GRM1: variants seen among roughly 807,000 people sequenced by gnomAD.
The protein encoded by GRM1 is metabotropic glutamate receptor 1.
Under a neutral mutation model 90.9 loss-of-function variants are expected in GRM1, and 33 were observed. The ratio of observed to expected loss-of-function variants is 0.36; its 90% confidence interval spans 0.28 to 0.49. The LOEUF (loss-of-function observed/expected upper bound fraction) is 0.49, where lower values mean the gene tolerates loss of function less well. Ranked by LOEUF, GRM1 falls within the 20% of genes least tolerant of loss-of-function variation. The pLI is 0.99. For missense variants in GRM1, 1,190 were observed against 1,534.3 expected (o/e 0.78, Z 3.75); for synonymous variants, 700 against 613.2 (o/e 1.14, Z -2.09).
At chr6:146,084,825 T>C in intron 1 of GRM1, among the ~76,000 whole-genome samples, 1 of 152,194 alleles carries the variant, frequency 6.6e-6, no homozygotes, top group Non-Finnish European at 1.5e-5. Flanking sequence ...CTGTCTAATA[T>C]TGACAGTGCA....
At chr6:146,036,182 A>G (rs1790884667) in intron 1 of GRM1, among the ~76,000 whole-genome samples, 1 of 152,000 alleles carries the variant, frequency 6.6e-6, no homozygotes, top group Admixed American at 6.6e-5. Context: ...GGGTTCACAA[A>G]GAGACTTATC....
At chr6:146,056,341 G>A (rs1044007175) in intron 1 of GRM1, among the ~76,000 whole-genome samples, 5 of 152,042 alleles carry the variant, frequency 3.3e-5, no homozygotes, top group African/African-American at 4.8e-5. Flanking sequence ...AGGTAGACCT[G>A]CTGTTGCCAG....
rs184404669 is a variant in GRM1 at position 146,410,811 on chromosome 6, G to A, written c.2660+11112G>A. Among the ~76,000 whole-genome samples the A allele has an allele frequency of 2.5e-4, 38 of 152,228 alleles. No individual in the cohort carries two copies. In the East Asian group the frequency reaches 7.1e-3, roughly 29 times the overall value. On this transcript the variant is annotated intron_variant, in intron 7 of 7. Transcript: ENST00000282753. ...AGGAAAATGAAGAAAAAAATAAAAG[G>A]TTTCAGTAGGGTTGGTATTCCTTAT...
rs541139246 is a variant in GRM1, at chr6:146,382,606, C to T, written c.1603-4284C>T. ...TATGCATTTAAGCATAGAGACTACC[C>T]TTCCTTTTTTCACAGACATATGTAA... On this transcript the variant is annotated intron_variant, in intron 5 of 7. Transcript: ENST00000282753. 1.1e-4 allele frequency among the ~76,000 whole-genome samples: 16 copies of T among 152,156 alleles called. No homozygotes were observed. In the East Asian group the frequency reaches 2.9e-3, roughly 28 times the overall value.
chr6:146,357,465 T>G (rs1785630327), intron 4 of GRM1, 61 bp from the exon 5 acceptor site: 1 of 1,380,314 alleles, frequency 7.2e-7, no homozygotes, highest in Admixed American at 1.7e-5. Context: ...ACTTACCAAC[T>G]TTCTTTGTTT....
At chr6:146,374,174 A>G (rs1051303557) in intron 5 of GRM1, among the ~76,000 whole-genome samples, 1 of 151,970 alleles carries the variant, frequency 6.6e-6, no homozygotes, top group African/African-American at 2.4e-5. Context: ...CGCATTGATT[A>G]ATTTGCATAT....
chr6:146,394,878 A>T (rs1196704899), intron 6 of GRM1, among the ~76,000 whole-genome samples: 1 of 152,082 alleles, frequency 6.6e-6, no homozygotes, highest in Non-Finnish European at 1.5e-5. Context: ...TTCTTTTGCA[A>T]TTTTATCAAT....
chr6:146,113,393 G>A (rs1231511531), intron 1 of GRM1, among the ~76,000 whole-genome samples: 5 of 152,108 alleles, frequency 3.3e-5, no homozygotes, highest in Non-Finnish European at 7.3e-5. Context: ...ATTTAACTTC[G>A]GAGCCCTTGA....
rs371665748 is a variant in GRM1 at position 146,215,760 on chromosome 6, T to C, written c.950+56163T>C. Among the ~76,000 whole-genome samples the C allele has an allele frequency of 4.6e-4, 44 of 95,698 alleles. No homozygotes were observed. In the East Asian group the frequency reaches 5.3e-3, roughly 12 times the overall value. The allele number at this position is 95,698 out of a possible 152,430, so 62.8% of individuals were successfully genotyped here. On this transcript the variant is annotated intron_variant, in intron 2 of 7. Transcript: ENST00000282753. ...TATACCTATTGTGTATCCACAAACT[T>C]TTTTTTTTTTTTTTGAGACAGAGTC...
At chr6:146,362,182 A>T (rs1203887004) in intron 5 of GRM1, among the ~76,000 whole-genome samples, 1 of 152,190 alleles carries the variant, frequency 6.6e-6, no homozygotes, top group Non-Finnish European at 1.5e-5. Flanking sequence ...GAATAGAGGT[A>T]ACCTTACCTC....
At position 146,295,514 on chromosome 6, in the gene GRM1, T is replaced by C. The variant is rs148984441; in HGVS notation, c.951-9097T>C. Among the ~76,000 whole-genome samples, 241 of 152,274 alleles carry C rather than the reference T, an allele frequency of 1.6e-3. 3 individuals carry two copies. The highest frequency in any genetic ancestry group is 5.0e-3 in the African/African-American group (207 of 41,570). Reference sequence around the variant, plus strand: ...TCCCAAAGTGCTGGGATTAAAGGCATGAGCCACCACACCAGCCTATCCATT... The same window carrying C: ...TCCCAAAGTGCTGGGATTAAAGGCACGAGCCACCACACCAGCCTATCCATT... On this transcript the variant is annotated intron_variant, in intron 2 of 7. Transcript: ENST00000282753.
intron 2 of GRM1, among the ~76,000 whole-genome samples, chr6:146,263,265 T>C (rs998944531): frequency 1.3e-5 from 2 of 151,952 alleles, no homozygotes; most frequent in African/African-American, 4.8e-5. Context: ...CATAAAAACA[T>C]TTAAAAACAA....
chr6:146,214,408 GA>G (rs1779797524), intron 2 of GRM1, among the ~76,000 whole-genome samples: 1 of 152,340 alleles, frequency 6.6e-6, no homozygotes, highest in African/African-American at 2.4e-5. Context: ...CTCCGATAGA[GA>G]ACAGCATGTG....
intron 1 of GRM1, among the ~76,000 whole-genome samples, chr6:146,145,286 C>T (rs1358082075): frequency 2.6e-5 from 4 of 152,188 alleles, no homozygotes; most frequent in Non-Finnish European, 4.4e-5. Flanking sequence ...TAGAAGGAAG[C>T]TGCATGCTAC....
At position 146,204,472 on chromosome 6, in the gene GRM1, C is replaced by T. The variant is rs548014965; in HGVS notation, c.950+44875C>T. On this transcript the variant is annotated intron_variant, in intron 2 of 7. Transcript: ENST00000282753. Reference sequence around the variant, plus strand: ...TGTGCTTAAAATTATTTGCAGGGCACGGTCTATTGTTAACATTTTCATGTA... The same window carrying T: ...TGTGCTTAAAATTATTTGCAGGGCATGGTCTATTGTTAACATTTTCATGTA... Among the ~76,000 whole-genome samples the T allele has an allele frequency of 1.1e-4, 16 of 152,210 alleles. No individual in the cohort carries two copies. The South Asian group carries it at 2.3e-3, about 22-fold the overall frequency.
At chr6:146,369,103 T>C (rs568255144) in intron 5 of GRM1, among the ~76,000 whole-genome samples, 2 of 151,942 alleles carry the variant, frequency 1.3e-5, no homozygotes, top group Non-Finnish European at 2.9e-5. Flanking sequence ...AAATTATCCA[T>C]TTATTCTAGA....
At chr6:146,349,671 C>T (rs1025078579) in intron 3 of GRM1, among the ~76,000 whole-genome samples, 7 of 151,714 alleles carry the variant, frequency 4.6e-5, no homozygotes, top group African/African-American at 1.7e-4. Flanking sequence ...AATTTAAGTC[C>T]GGAGACATCA....
At chr6:146,318,490 A>G (rs1009980637) in intron 3 of GRM1, among the ~76,000 whole-genome samples, 34 of 152,160 alleles carry the variant, frequency 2.2e-4, no homozygotes, top group Non-Finnish European at 3.7e-4. Context: ...TTATGGTAAA[A>G]TCATTTATAA....
intron 2 of GRM1, among the ~76,000 whole-genome samples, chr6:146,268,968 G>C (rs1782015389): frequency 6.6e-6 from 1 of 152,138 alleles, no homozygotes; most frequent in African/African-American, 2.4e-5. Context: ...ACTGATTTTT[G>C]ACAAAGGCAC....
Sources: allele counts gnomAD v4.1 joint callset (sites outside exome capture counted in the v4.1 genomes callset), GRCh38; gene constraint gnomAD v4.1.1; transcripts MANE v1.5; gene names NCBI Gene and HGNC (gene_info 2026-07-23, HGNC 2026-07-21).